The following MRC2 variants were observed in gnomAD, a reference collection of about 807,000 sequenced individuals.
MRC2 encodes mannose receptor C-type 2.
In MRC2, 84 loss-of-function variants were observed where a neutral mutation model predicts 206.2. The ratio of observed to expected loss-of-function variants is 0.41; its 90% CI spans 0.34 to 0.49. The LOEUF is 0.49. Ranked by LOEUF, MRC2 falls within the 20% of genes least tolerant of loss-of-function variation. The probability of loss-of-function intolerance (pLI) is 0.31; values close to 1 mark genes in which losing one functional copy is unlikely to be tolerated. For missense variants in MRC2, 1,676 were observed against 2,001.5 expected (o/e 0.84, Z 3.10); for synonymous variants, 798 against 800.0 (o/e 1.00, Z 0.04).
chr17:62,651,863 C>G (rs766860389), intron 1 of MRC2, among the ~76,000 whole-genome samples: 1 of 152,244 alleles, frequency 6.6e-6, no homozygotes, highest in Non-Finnish European at 1.5e-5. Context: ...TGAGCCACCG[C>G]GCCCTGCCTG....
rs1187609805 is a variant in MRC2, at chr17:62,667,112, T to A, written c.973+242T>A. On this transcript the variant is annotated intron_variant, in intron 5 of 29. Transcript: ENST00000303375. This position sits in a 1 kb window ranked among gnomAD's most constrained non-coding sequence, Gnocchi z 4.1. ...CCACTCACCTCTTCAGCCACCCCTGTGGGCAGCGGGCACCAGCGCACCCAG... is the reference window on the plus strand; with the variant it reads ...CCACTCACCTCTTCAGCCACCCCTGAGGGCAGCGGGCACCAGCGCACCCAG... 6.6e-6 allele frequency among the ~76,000 whole-genome samples: 1 copy of A among 152,038 alleles called. No homozygotes were observed. The highest frequency in any genetic ancestry group is 2.4e-5 in the African/African-American group (1 of 41,424).
At position 62,667,262 on chromosome 17, in the gene MRC2, A is replaced by T; in HGVS notation, c.974-128A>T. 1 of 1,250,022 alleles carries T rather than the reference A, an allele frequency of 8.0e-7. No individual in the cohort carries two copies. Among genetic ancestry groups the T allele is most frequent in the Non-Finnish European group, 1.1e-6 (1 of 922,294 alleles). 77.4% of individuals were successfully genotyped at this position (1,250,022 alleles called of 1,614,324 possible). A position where few individuals can be genotyped will look rare whatever the true frequency, so the allele number is the denominator to read the frequency against. On this transcript the variant is annotated intron_variant, in intron 5 of 29. Coordinates refer to ENST00000303375, the MANE Select transcript of MRC2 (RefSeq NM_006039.5). The surrounding 1 kb of genome is among the most constrained non-coding windows in gnomAD (Gnocchi z 4.1). ...GTCTGGGGCGGAGCTGGAGCTGAGC[A>T]CCAGGCTTCCCGAACTGGCTCAGGC...
At chr17:62,691,771 CAAAAA>C (rs549279909) in intron 28 of MRC2, among the ~76,000 whole-genome samples, 1 of 65,920 alleles carries the variant, frequency 1.5e-5, no homozygotes, top group East Asian at 4.5e-4. Context: ...ACCCTGTCTC[CAAAAA>C]AAAAAAAAAA....
chr17:62,630,833 C>T (rs193104451), intron 1 of MRC2, among the ~76,000 whole-genome samples: 15 of 152,238 alleles, frequency 9.9e-5, no homozygotes, highest in Non-Finnish European at 1.8e-4. Context: ...CAGCTCCCTA[C>T]ACTTCTGGCC....
intron 2 of MRC2, 147 bp downstream of exon 2, chr17:62,665,096 A>C (rs2088733830): frequency 3.1e-6 from 3 of 973,038 alleles, no homozygotes; most frequent in Non-Finnish European, 4.4e-6. Context: ...GCATTTTTTA[A>C]TAATTAAGAA....
At chr17:62,682,795 C>T (rs1356439156) in intron 20 of MRC2, among the ~76,000 whole-genome samples, 1 of 151,980 alleles carries the variant, frequency 6.6e-6, no homozygotes. Context: ...GCACCTGCCA[C>T]CACCCCTGGC....
rs554294938 is a variant in MRC2, at chr17:62,630,294, A to T, written c.118+2374A>T. ...AAGTTCCCATTTCATTTTGATAACA[A>T]CCCAAGGAGATGGTTATTGTTGGAC... On this transcript the variant is annotated intron_variant, in intron 1 of 29. Coordinates refer to ENST00000303375, the MANE Select transcript of MRC2 (RefSeq NM_006039.5). 2.0e-5 allele frequency among the ~76,000 whole-genome samples: 3 copies of T among 152,270 alleles called. No individual in the cohort carries two copies. In the South Asian group the frequency reaches 6.2e-4, roughly 32 times the overall value.
intron 1 of MRC2, among the ~76,000 whole-genome samples, chr17:62,633,489 C>T (rs1443412829): frequency 5.5e-4 from 70 of 127,528 alleles, no homozygotes; most frequent in African/African-American, 2.0e-3. Context: ...GGCAACAGAG[C>T]GGGACTCCGT....
chr17:62,636,648 AT>A (rs1306828059), intron 1 of MRC2, among the ~76,000 whole-genome samples: 1 of 150,886 alleles, frequency 6.6e-6, no homozygotes, highest in African/African-American at 2.4e-5. Context: ...TTGTTTTTGA[AT>A]TTTTAGTAGA....
chr17:62,690,791 T>A lies in MRC2; in HGVS notation c.4012+30T>A, dbSNP rs765467687. 1.9e-6 allele frequency: 3 copies of A among 1,571,736 alleles called. No individual in the cohort carries two copies. The East Asian group carries it at 6.8e-5, about 36-fold the overall frequency. ...GTGCCCTGTGTGTGGGGTGGAGAGG[T>A]CAAGCCTCAGGCTGTAAGGGGCTGC... On this transcript the variant is annotated intron_variant, in intron 27 of 29. Transcript: ENST00000303375.
chr17:62,680,406 T>C lies in MRC2; in HGVS notation c.2438-12T>C, dbSNP rs1300677455. 5.6e-6 allele frequency: 9 copies of C among 1,613,968 alleles called. No homozygotes were observed. The highest frequency in any genetic ancestry group is 7.6e-6 in the Non-Finnish European group (9 of 1,179,982). On this transcript the variant is annotated splice_polypyrimidine_tract_variant and intron_variant, in intron 15 of 29. Coordinates refer to ENST00000303375, the MANE Select transcript of MRC2 (RefSeq NM_006039.5). This position sits in a 1 kb window ranked among gnomAD's most constrained non-coding sequence, Gnocchi z 4.8. ...TCCTTTCCTCACAACGTCTTTGTCC[T>C]TGTTCCCCTAGGTACGGACGTGCGG... is the stretch of plus-strand genomic sequence containing the variant.
rs779113548 is a variant in MRC2, at chr17:62,664,949, G to A, written c.520G>A (p.Glu174Lys). The A allele has an allele frequency of 3.9e-5, 63 of 1,597,844 alleles. No homozygotes were observed. Among genetic ancestry groups the A allele is most frequent in the Admixed American group, 1.2e-4 (7 of 59,546 alleles). Residue 174 changes from glutamate to lysine, a missense_variant and splice_region_variant, in exon 2 of 30, where the codon GAG becomes AAG. By Grantham distance (56) the Glu-to-Lys change is moderately conservative. Coordinates refer to ENST00000303375, the MANE Select transcript of MRC2 (RefSeq NM_006039.5). This position sits in a 1 kb window ranked among gnomAD's most constrained non-coding sequence, Gnocchi z 4.7. Reference protein sequence around the residue: ...EEDLCALPYHEVYTIQGNSHG... With the variant: ...EEDLCALPYHKVYTIQGNSHG... ...GGACCTATGTGCTCTGCCCTACCAC[G>A]GTGAGGGGCCGCTTGCAGGCGGGAG... is the stretch of plus-strand genomic sequence containing the variant.
rs2089090141 is a variant in MRC2, at chr17:62,690,252, T to G, written c.3839T>G (p.Phe1280Cys). ...CCCTTCCGGGAGCACTGCTATTCTT[T>G]CCACATGGAGCTGCTGCTGGGCCAC... is the stretch of plus-strand genomic sequence containing the variant. The part of the protein sequence containing the change: ...WIPFREHCYS[F>C]HMELLLGHKE... The change falls in exon 26 of 30, where the codon TTC becomes TGC. Residue 1280 changes from phenylalanine (F) to cysteine (C), a missense_variant. Phe to Cys is a radical substitution (Grantham distance 205). Coordinates refer to ENST00000303375, the MANE Select transcript of MRC2 (RefSeq NM_006039.5). 6.2e-7 allele frequency: 1 copy of G among 1,613,066 alleles called. No individual in the cohort carries two copies. The highest frequency in any genetic ancestry group is 1.3e-5 in the African/African-American group (1 of 74,918).
Position 62,640,273 on chromosome 17 carries a change from G to A in MRC2, c.118+12353G>A, listed in dbSNP as rs374077900. Among the ~76,000 whole-genome samples, 47 of 152,126 alleles carry A rather than the reference G, an allele frequency of 3.1e-4. 1 individual carries two copies. The South Asian group carries it at 6.6e-3, about 21-fold the overall frequency. ...ATGCATACCTGACATTCATCTGTCC[G>A]TTTATTCATTCAGTTAACTGGTGTC... On this transcript the variant is annotated intron_variant, in intron 1 of 29. Transcript: ENST00000303375.
chr17:62,660,019 C>T (rs1014526030), intron 1 of MRC2, among the ~76,000 whole-genome samples: 7 of 152,100 alleles, frequency 4.6e-5, no homozygotes, highest in Admixed American at 2.0e-4. Flanking sequence ...TGTCAGATAG[C>T]GAGTTCTGGT....
At chr17:62,677,562 T>A (rs1203066097) in intron 12 of MRC2, 76 bp downstream of exon 12, 26 of 1,313,720 alleles carry the variant, frequency 2.0e-5, no homozygotes, top group Non-Finnish European at 2.5e-5. Context: ...GAGGTCCCAG[T>A]GGGACCAGCC....
At chr17:62,679,969 G>A (rs2147481324) in intron 14 of MRC2, 67 bp downstream of exon 14, 2 of 1,480,010 alleles carry the variant, frequency 1.4e-6, no homozygotes, top group East Asian at 2.4e-5. Flanking sequence ...TGTTTGGGGC[G>A]GGGCCTGGAG....
rs776350060 is a variant in MRC2 at position 62,678,604 on chromosome 17, A to C, written c.2153A>C (p.Glu718Ala). 1.2e-6 allele frequency: 2 copies of C among 1,611,710 alleles called. No individual in the cohort carries two copies. The highest frequency in any genetic ancestry group is 4.5e-5 in the East Asian group (2 of 44,780). ...GAQLLSLASY[E>A]EEHFVANMLN... Reference sequence around the variant, plus strand: ...CAGCTGCTGAGCCTGGCCAGCTACGAGGAGGAGCACTTTGTGGCCAACATG... The same window carrying C: ...CAGCTGCTGAGCCTGGCCAGCTACGCGGAGGAGCACTTTGTGGCCAACATG... The change falls in exon 13 of 30, where the codon GAG becomes GCG. Residue 718 changes from glutamate to alanine, a missense_variant. Glu to Ala is a moderately radical substitution (Grantham distance 107). This residue lies in a region of MRC2 where 1,354 missense variants were observed against 1,636.6 expected (regional missense o/e 0.83). Transcript: ENST00000303375.
intron 1 of MRC2, among the ~76,000 whole-genome samples, chr17:62,650,967 C>G (rs931022786): frequency 6.6e-6 from 1 of 152,202 alleles, no homozygotes; most frequent in Non-Finnish European, 1.5e-5. Flanking sequence ...GTCCAGGTTC[C>G]TTGAACATCC....
Sources: gnomAD v4.1 joint callset for allele counts (sites outside exome capture counted in the v4.1 genomes callset) on GRCh38, gnomAD v4.1.1 for gene constraint, gnomAD v4.1.1 regional missense constraint, Gnocchi (gnomAD v3.1) non-coding constraint, MANE v1.5 for transcripts, NCBI Gene and HGNC (gene_info 2026-07-23, HGNC 2026-07-21) for gene names.